B3GALT1: variants seen among roughly 807,000 people sequenced by gnomAD.
B3GALT1 encodes the protein beta-1,3-galactosyltransferase 1, also known as UDP-Gal:betaGlcNAc beta 1,3-galactosyltransferase, polypeptide 1.
In B3GALT1, 10 loss-of-function variants were observed where a neutral mutation model predicts 23.2. That is an observed-to-expected ratio of 0.43 (90% CI 0.27 to 0.73). The LOEUF (loss-of-function observed/expected upper bound fraction) is 0.73. Among genes scored for constraint, B3GALT1 ranks in the 30% least tolerant of loss-of-function variants. The pLI is 0.21. For missense variants in B3GALT1, 299 were observed against 405.4 expected (o/e 0.74, Z 2.25); for synonymous variants, 156 against 141.5 (o/e 1.10, Z -0.73).
At chr2:167,736,943 C>G (rs958282906) in intron 3 of B3GALT1, among the ~76,000 whole-genome samples, 5 of 151,154 alleles carry the variant, frequency 3.3e-5, no homozygotes, top group Non-Finnish European at 7.4e-5. Context: ...CCCTTCCCCC[C>G]CAAAAAAAGA....
intron 1 of B3GALT1, among the ~76,000 whole-genome samples, chr2:167,479,124 A>T (rs1699528689): frequency 6.6e-6 from 1 of 152,066 alleles, no homozygotes; most frequent in Non-Finnish European, 1.5e-5. Flanking sequence ...GCTGTTTACT[A>T]GTTTTGGGAC....
At chr2:167,804,559 T>C (rs1688710302) in intron 3 of B3GALT1, among the ~76,000 whole-genome samples, 1 of 152,044 alleles carries the variant, frequency 6.6e-6, no homozygotes, top group South Asian at 2.1e-4. Context: ...TTCCCACCTA[T>C]GAGTGAGAAC....
At chr2:167,839,593 G>C (rs1474007233) in intron 4 of B3GALT1, among the ~76,000 whole-genome samples, 2 of 152,252 alleles carry the variant, frequency 1.3e-5, no homozygotes, top group Admixed American at 6.5e-5. Flanking sequence ...CATGAAAATG[G>C]CCATACTGCC....
At chr2:167,644,597 G>A (rs1028568883) in intron 2 of B3GALT1, among the ~76,000 whole-genome samples, 17 of 151,776 alleles carry the variant, frequency 1.1e-4, no homozygotes, top group African/African-American at 3.6e-4. Context: ...TGGCCAACAC[G>A]GTGAAACCCC....
chr2:167,651,353 TAG>T (rs1685863373), intron 3 of B3GALT1, among the ~76,000 whole-genome samples: 1 of 152,012 alleles, frequency 6.6e-6, no homozygotes, highest in Non-Finnish European at 1.5e-5. Context: ...TAAGAATAGG[TAG>T]AGTTTAGTCC....
Position 167,772,774 on chromosome 2 carries a change from C to A in B3GALT1, c.-351-45898C>A, listed in dbSNP as rs961972647. The stretch of plus-strand genomic sequence containing the variant: ...CAAATGTATGACACACTATGTTATT[C>A]TTCCCAAGCTCATATAAACATATCC... On this transcript the variant is annotated intron_variant, in intron 3 of 4. Transcript: ENST00000392690. 2.6e-5 allele frequency among the ~76,000 whole-genome samples: 4 copies of A among 152,186 alleles called. No homozygotes were observed. In the East Asian group the frequency reaches 7.7e-4, roughly 29 times the overall value.
At chr2:167,782,031 T>C (rs1688255075) in intron 3 of B3GALT1, among the ~76,000 whole-genome samples, 1 of 152,144 alleles carries the variant, frequency 6.6e-6, no homozygotes, top group Non-Finnish European at 1.5e-5. Flanking sequence ...GTGTGAGCAC[T>C]ACACCCTGCC....
At chr2:167,693,655 C>G (rs1395539020) in intron 3 of B3GALT1, among the ~76,000 whole-genome samples, 1 of 152,110 alleles carries the variant, frequency 6.6e-6, no homozygotes, top group Admixed American at 6.5e-5. Context: ...TTTCACTTTG[C>G]TAATTGACAC....
At chr2:167,310,429 T>A (rs1696618725) in intron 1 of B3GALT1, among the ~76,000 whole-genome samples, 1 of 151,978 alleles carries the variant, frequency 6.6e-6, no homozygotes, top group African/African-American at 2.4e-5. Context: ...GAAGGGGTAG[T>A]TAAGAAAGAT....
At chr2:167,668,847 C>G (rs967498118) in intron 3 of B3GALT1, among the ~76,000 whole-genome samples, 2 of 152,218 alleles carry the variant, frequency 1.3e-5, no homozygotes, top group Non-Finnish European at 2.9e-5. Context: ...CGCCCACTGT[C>G]TGGCACTCCC....
chr2:167,754,981 T>C (rs2105291032), intron 3 of B3GALT1, among the ~76,000 whole-genome samples: 1 of 152,298 alleles, frequency 6.6e-6, no homozygotes, highest in East Asian at 1.9e-4. Flanking sequence ...AAGCCTTCTC[T>C]TTTGATACGT....
At chr2:167,607,872 T>G (rs1684994005) in intron 2 of B3GALT1, among the ~76,000 whole-genome samples, 3 of 152,192 alleles carry the variant, frequency 2.0e-5, no homozygotes, top group Admixed American at 2.0e-4. Context: ...GGGGCCTTTA[T>G]TAAACATACT....
At chr2:167,432,866 C>A (rs1698725731) in intron 1 of B3GALT1, among the ~76,000 whole-genome samples, 1 of 152,164 alleles carries the variant, frequency 6.6e-6, no homozygotes, top group African/African-American at 2.4e-5. Flanking sequence ...ATAACCTCCC[C>A]ATTATCAACA....
At chr2:167,336,049 C>T (rs1697053679) in intron 1 of B3GALT1, among the ~76,000 whole-genome samples, 2 of 151,614 alleles carry the variant, frequency 1.3e-5, no homozygotes, top group South Asian at 4.2e-4. Flanking sequence ...ATTGCTTTTT[C>T]TTGCTTTATC....
chr2:167,587,273 C>T (rs1339467897), intron 2 of B3GALT1, among the ~76,000 whole-genome samples: 2 of 152,092 alleles, frequency 1.3e-5, no homozygotes, highest in African/African-American at 2.4e-5. Flanking sequence ...CATATTTTTA[C>T]GTAAAATGTA....
At chr2:167,780,865 C>G (rs1688234494) in intron 3 of B3GALT1, among the ~76,000 whole-genome samples, 1 of 152,214 alleles carries the variant, frequency 6.6e-6, no homozygotes, top group South Asian at 2.1e-4. Context: ...AGAGGGGTTC[C>G]TTTTGGAGTG....
intron 3 of B3GALT1, among the ~76,000 whole-genome samples, chr2:167,774,499 T>G (rs1478191583): frequency 2.3e-3 from 27 of 11,942 alleles, no homozygotes; most frequent in African/African-American, 3.8e-3. Flanking sequence ...TTTTTTTTGT[T>G]TTTTTTTTTT....
chr2:167,530,476 A>G (rs1683307901), intron 2 of B3GALT1, among the ~76,000 whole-genome samples: 1 of 152,196 alleles, frequency 6.6e-6, no homozygotes, highest in Non-Finnish European at 1.5e-5. Context: ...TCTTCTTACA[A>G]TGCAGTATAT....
At chr2:167,603,866 A>C (rs1574162787) in intron 2 of B3GALT1, among the ~76,000 whole-genome samples, 1 of 152,200 alleles carries the variant, frequency 6.6e-6, no homozygotes, top group Non-Finnish European at 1.5e-5. Flanking sequence ...ACATTTCTTC[A>C]AACTGAAGTC....
Sources: allele counts gnomAD v4.1 joint callset (sites outside exome capture counted in the v4.1 genomes callset), GRCh38; gene constraint gnomAD v4.1.1; transcripts MANE v1.5; gene names NCBI Gene and HGNC (gene_info 2026-07-23, HGNC 2026-07-21).